Variants in RALA observed in about 807,000 individuals in gnomAD.
The protein encoded by RALA is ras-related protein Ral-A.
A neutral mutation model predicts 24.0 loss-of-function variants in RALA; 5 were observed. That is an observed-to-expected ratio of 0.21 (90% CI 0.11 to 0.44). RALA has a LOEUF of 0.44. RALA is among the 20% of genes least tolerant of loss of function. RALA has a pLI of 0.99. For missense variants in RALA, 95 were observed against 241.2 expected, an observed-to-expected ratio of 0.39 and a Z score of 4.01; for synonymous variants, 77 against 83.8, an observed-to-expected ratio of 0.92 and a Z score of 0.44.
At chr7:39,664,358 A>T (rs1449630931) in intron 1 of RALA, among the ~76,000 whole-genome samples, 2 of 152,196 alleles carry the variant, frequency 1.3e-5, no homozygotes, top group Non-Finnish European at 2.9e-5. Flanking sequence ...TGCTTTCATC[A>T]ATGCTTTGTC....
At chr7:39,656,723 G>C (rs1253335953) in intron 1 of RALA, among the ~76,000 whole-genome samples, 3 of 152,176 alleles carry the variant, frequency 2.0e-5, no homozygotes, top group African/African-American at 7.2e-5. Flanking sequence ...ATGACAGATT[G>C]GTGAATGTGG....
chr7:39,629,090 A>G (rs1012313366), intron 1 of RALA, among the ~76,000 whole-genome samples: 1 of 152,186 alleles, frequency 6.6e-6, no homozygotes, highest in African/African-American at 2.4e-5. Flanking sequence ...GTGTACATGT[A>G]TCTTTGTATT....
At chr7:39,681,692 G>A (rs1019683703) in intron 1 of RALA, among the ~76,000 whole-genome samples, 4 of 151,622 alleles carry the variant, frequency 2.6e-5, no homozygotes, top group Admixed American at 6.6e-5. Flanking sequence ...CCACTTTCTC[G>A]TATCTATCTT....
At chr7:39,682,715 T>C (rs1792627222) in intron 1 of RALA, among the ~76,000 whole-genome samples, 1 of 152,230 alleles carries the variant, frequency 6.6e-6, no homozygotes, top group African/African-American at 2.4e-5. Flanking sequence ...CGATCTTGGC[T>C]CACTGCAACC....
intron 1 of RALA, among the ~76,000 whole-genome samples, chr7:39,679,420 GT>G (rs1055614509): frequency 3.3e-5 from 5 of 152,224 alleles, no homozygotes; most frequent in African/African-American, 7.2e-5. Flanking sequence ...CAAACATACA[GT>G]TATCAGTTTG....
At chr7:39,671,725 A>G (rs1792392164) in intron 1 of RALA, among the ~76,000 whole-genome samples, 1 of 152,114 alleles carries the variant, frequency 6.6e-6, no homozygotes, top group Non-Finnish European at 1.5e-5. Context: ...TCTTTAAGCC[A>G]TCAACTACTG....
chr7:39,631,543 G>A (rs919629607), intron 1 of RALA, among the ~76,000 whole-genome samples: 1 of 152,112 alleles, frequency 6.6e-6, no homozygotes, highest in African/African-American at 2.4e-5. Flanking sequence ...ACATCTTGAT[G>A]GTATTGAGAC....
intron 1 of RALA, among the ~76,000 whole-genome samples, chr7:39,649,579 A>G (rs1275939621): frequency 1.3e-5 from 2 of 152,178 alleles, no homozygotes; most frequent in Non-Finnish European, 2.9e-5. Context: ...ATGCAGCAAC[A>G]GGGTGCCATC....
chr7:39,653,866 C>T (rs1792056673), intron 1 of RALA, among the ~76,000 whole-genome samples: 1 of 152,146 alleles, frequency 6.6e-6, no homozygotes, highest in African/African-American at 2.4e-5. Flanking sequence ...TCTCCAAAAT[C>T]ATTTTCTAGA....
chr7:39,706,429 C>A lies in RALA; in HGVS notation c.*184C>A. On this transcript the variant is annotated 3_prime_UTR_variant, in exon 5 of 5. Coordinates refer to ENST00000005257, the MANE Select transcript of RALA (RefSeq NM_005402.4). Reference sequence around the variant, plus strand: ...CTTTAAAAAGAAATTAATATGGCTTCACCAAGAAGCAAAGTTCAACTTATT... The same window carrying A: ...CTTTAAAAAGAAATTAATATGGCTTAACCAAGAAGCAAAGTTCAACTTATT... 1 of 563,846 alleles carries A rather than the reference C, an allele frequency of 1.8e-6. No individual in the cohort carries two copies. Among genetic ancestry groups the A allele is most frequent in the Non-Finnish European group, 3.0e-6 (1 of 331,384 alleles). 34.9% of individuals were successfully genotyped at this position (563,846 alleles called of 1,614,324 possible). A position where few individuals can be genotyped will look rare whatever the true frequency, so the allele number is the denominator to read the frequency against.
At chr7:39,628,665 C>T (rs1791539090) in intron 1 of RALA, among the ~76,000 whole-genome samples, 1 of 152,204 alleles carries the variant, frequency 6.6e-6, no homozygotes, top group Non-Finnish European at 1.5e-5. Flanking sequence ...AAGCAATTCT[C>T]CTGCCTCAGC....
chr7:39,652,889 TC>T (rs1233653190), intron 1 of RALA, among the ~76,000 whole-genome samples: 3 of 150,872 alleles, frequency 2.0e-5, no homozygotes, highest in Non-Finnish European at 4.4e-5. Flanking sequence ...CCTCAGCTTC[TC>T]AAGTAGCTGG....
At chr7:39,672,592 A>G (rs1184035779) in intron 1 of RALA, among the ~76,000 whole-genome samples, 9 of 152,176 alleles carry the variant, frequency 5.9e-5, no homozygotes, top group African/African-American at 1.7e-4. Context: ...TAAAATTTTA[A>G]AAAATGGAAA....
chr7:39,697,398 CTTTG>C (rs1299849315), intron 4 of RALA: 1 of 456,738 alleles, frequency 2.2e-6, no homozygotes, highest in East Asian at 6.9e-5. Flanking sequence ...TGTCTTCTCG[CTTTG>C]TTCAGAGTGG....
chr7:39,654,801 A>ATC (rs1792070592), intron 1 of RALA, among the ~76,000 whole-genome samples: 1 of 152,092 alleles, frequency 6.6e-6, no homozygotes, highest in Non-Finnish European at 1.5e-5. Flanking sequence ...CCAAGGCTGG[A>ATC]GTGCAGTGGT....
intron 2 of RALA, 112 bp downstream of exon 2, chr7:39,686,893 A>AT (rs547581621): frequency 8.6e-4 from 657 of 762,264 alleles, no homozygotes; most frequent in Non-Finnish European, 1.1e-3. Context: ...ATTACTAATA[A>AT]TTTTTTTTTC....
chr7:39,675,450 T>C (rs1378575264), intron 1 of RALA, among the ~76,000 whole-genome samples: 1 of 152,196 alleles, frequency 6.6e-6, no homozygotes, highest in African/African-American at 2.4e-5. Flanking sequence ...GAAAATATAC[T>C]TGTGGGCCTG....
rs1189528760 is a variant in RALA at position 39,629,599 on chromosome 7, G to GTATT, written c.-38+5788_-38+5791dup. On this transcript the variant is annotated intron_variant, in intron 1 of 4. Transcript: ENST00000005257. ...CTAGCACGTTTTTGTATGTGTGTATGTATTTATTTATTTATTTTGAGATGG... is the reference window on the plus strand; with the variant it reads ...CTAGCACGTTTTTGTATGTGTGTATGTATTTATTTATTTATTTATTTTGAGATGG... 1.7e-4 allele frequency among the ~76,000 whole-genome samples: 26 copies of GTATT among 150,410 alleles called. 1 individual carries two copies.
intron 1 of RALA, among the ~76,000 whole-genome samples, chr7:39,665,199 A>G (rs907381038): frequency 1.3e-5 from 2 of 151,992 alleles, no homozygotes; most frequent in African/African-American, 2.4e-5. Context: ...AGCAGGACCA[A>G]TCCTTCCTCT....
Sources: allele counts gnomAD v4.1 joint callset (sites outside exome capture counted in the v4.1 genomes callset), GRCh38; gene constraint gnomAD v4.1.1; transcripts MANE v1.5; gene names NCBI Gene and HGNC (gene_info 2026-07-23, HGNC 2026-07-21).